Variants in SLC26A7 observed in about 807,000 individuals in gnomAD.
SLC26A7 encodes solute carrier family 26 member 7, also known as anion exchange transporter.
A neutral mutation model predicts 82.5 loss-of-function variants in SLC26A7; 59 were observed. That is an observed-to-expected ratio of 0.72 (90% CI 0.58 to 0.89). SLC26A7 has a LOEUF of 0.89. SLC26A7 is among the 40% of genes least tolerant of loss of function. SLC26A7 has a pLI of 0.00. For synonymous variants in SLC26A7, 271 were observed against 274.3 expected (o/e 0.99, Z 0.12); for missense variants, 820 against 793.0 (o/e 1.03, Z -0.41).
chr8:91,330,927 C>T (rs956818025), intron 5 of SLC26A7, among the ~76,000 whole-genome samples: 1 of 152,088 alleles, frequency 6.6e-6, no homozygotes, highest in Non-Finnish European at 1.5e-5. Flanking sequence ...TTATTTCTTA[C>T]AGTCCTGGAG....
At chr8:91,374,391 T>C (rs1271974825) in intron 15 of SLC26A7, among the ~76,000 whole-genome samples, 1 of 151,822 alleles carries the variant, frequency 6.6e-6, no homozygotes, top group Non-Finnish European at 1.5e-5. Context: ...CACTGTTTTT[T>C]TTTTTGCTGT....
At chr8:91,288,954 A>C (rs182744997) in intron 2 of SLC26A7, among the ~76,000 whole-genome samples, 182 bp from the exon 3 acceptor site, 86 of 152,378 alleles carry the variant, frequency 5.6e-4, no homozygotes, top group Admixed American at 2.2e-3. Flanking sequence ...TTTTGGAATC[A>C]TAACAATGAA....
intron 2 of SLC26A7, among the ~76,000 whole-genome samples, chr8:91,242,032 A>G (rs1810481976): frequency 2.0e-5 from 3 of 152,200 alleles, no homozygotes; most frequent in Admixed American, 2.0e-4. Context: ...CCTTTGGAAC[A>G]ATATAGGCTG....
At chr8:91,330,719 G>A (rs978968018) in intron 5 of SLC26A7, among the ~76,000 whole-genome samples, 4 of 151,998 alleles carry the variant, frequency 2.6e-5, no homozygotes, top group African/African-American at 9.7e-5. Flanking sequence ...AAACCCTAAA[G>A]TTATCAAAGT....
upstream of SLC26A7, among the ~76,000 whole-genome samples, chr8:91,248,281 C>T (rs1810576302): frequency 6.6e-6 from 1 of 152,018 alleles, no homozygotes; most frequent in South Asian, 2.1e-4. Context: ...GGTATTTTTG[C>T]ACAGACACAA....
chr8:91,255,915 C>T (rs150068676), intron 2 of SLC26A7, among the ~76,000 whole-genome samples: 142 of 152,218 alleles, frequency 9.3e-4, no homozygotes, highest in African/African-American at 3.2e-3. Context: ...GGATGAGATA[C>T]GTGGTCTATC....
At chr8:91,388,590 C>T (rs1020856744) in intron 15 of SLC26A7, among the ~76,000 whole-genome samples, 1 of 152,148 alleles carries the variant, frequency 6.6e-6, no homozygotes, top group Non-Finnish European at 1.5e-5. Context: ...GTGGGGGAAT[C>T]AGCATATGTG....
chr8:91,293,139 C>G (rs988156817), intron 3 of SLC26A7, among the ~76,000 whole-genome samples: 7 of 152,100 alleles, frequency 4.6e-5, no homozygotes, highest in Admixed American at 4.6e-4. Flanking sequence ...GGTTAGGTAA[C>G]TTGACCAAGA....
intron 5 of SLC26A7, among the ~76,000 whole-genome samples, chr8:91,330,691 T>A (rs921569340): frequency 7.9e-5 from 12 of 152,072 alleles, no homozygotes; most frequent in African/African-American, 2.9e-4. Flanking sequence ...TTGGAAATAA[T>A]CATATAAGGA....
rs927525317 is a variant in SLC26A7 at position 91,307,444 on chromosome 8, A to T, written c.478-10772A>T. On this transcript the variant is annotated intron_variant, in intron 4 of 18. Coordinates refer to ENST00000276609, the MANE Select transcript of SLC26A7 (RefSeq NM_052832.4). The stretch of plus-strand genomic sequence containing the variant: ...ATTGGATTAAGAAAATGTGGCACAT[A>T]TACACCATGGAATACTATGCAGCCA... Among the ~76,000 whole-genome samples, 201 of 144,608 alleles carry T rather than the reference A, an allele frequency of 1.4e-3. No individual in the cohort carries two copies. The East Asian group carries it at 0.014, about 10-fold the overall frequency. 94.9% of individuals were successfully genotyped at this position (144,608 alleles called of 152,430 possible).
At chr8:91,210,876 C>T (rs1489178360) in intron 1 of SLC26A7, among the ~76,000 whole-genome samples, 3 of 152,032 alleles carry the variant, frequency 2.0e-5, no homozygotes, top group Admixed American at 6.5e-5. Context: ...AAGACAATTT[C>T]AGATTGAAAA....
At chr8:91,333,683 A>G (rs907159296) in intron 5 of SLC26A7, among the ~76,000 whole-genome samples, 1 of 152,134 alleles carries the variant, frequency 6.6e-6, no homozygotes, top group Non-Finnish European at 1.5e-5. Flanking sequence ...CAATTCCTAC[A>G]CTAGACCATG....
intron 5 of SLC26A7, among the ~76,000 whole-genome samples, chr8:91,322,518 A>G (rs1473532307): frequency 1.3e-5 from 2 of 152,180 alleles, no homozygotes; most frequent in African/African-American, 4.8e-5. Flanking sequence ...TTATTTACAA[A>G]AAAAATTTTT....
intron 3 of SLC26A7, among the ~76,000 whole-genome samples, chr8:91,289,572 G>C (rs1811806925): frequency 6.6e-6 from 1 of 152,110 alleles, no homozygotes; most frequent in African/African-American, 2.4e-5. Context: ...TTGAACCTGG[G>C]AGGTGGAGGT....
chr8:91,282,321 A>G (rs1811595928), intron 2 of SLC26A7, among the ~76,000 whole-genome samples: 1 of 152,138 alleles, frequency 6.6e-6, no homozygotes, highest in Admixed American at 6.5e-5. Context: ...CGGAATTTCT[A>G]CGTGTTGCTG....
chr8:91,381,478 A>T (rs1368878747), intron 15 of SLC26A7, among the ~76,000 whole-genome samples: 2 of 152,086 alleles, frequency 1.3e-5, no homozygotes, highest in Non-Finnish European at 2.9e-5. Flanking sequence ...GCTCTCAGAG[A>T]ACACTTATGT....
chr8:91,385,422 A>G (rs1324050709), intron 15 of SLC26A7, among the ~76,000 whole-genome samples: 6 of 152,216 alleles, frequency 3.9e-5, no homozygotes, highest in Non-Finnish European at 7.4e-5. Context: ...AATGTTAGAA[A>G]TGTCCATTGT....
chr8:91,291,538 T>C (rs1474844763), intron 3 of SLC26A7, among the ~76,000 whole-genome samples: 1 of 152,220 alleles, frequency 6.6e-6, no homozygotes, highest in African/African-American at 2.4e-5. Context: ...ACATTTTCTC[T>C]GTTAAACCCA....
chr8:91,291,358 T>A (rs1002925958), intron 3 of SLC26A7, among the ~76,000 whole-genome samples: 1 of 152,182 alleles, frequency 6.6e-6, no homozygotes, highest in African/African-American at 2.4e-5. Context: ...TAAGCTTTTC[T>A]TTTGTATTGA....
Sources: gnomAD v4.1 joint callset for allele counts (sites outside exome capture counted in the v4.1 genomes callset) on GRCh38, gnomAD v4.1.1 for gene constraint, MANE v1.5 for transcripts, NCBI Gene and HGNC (gene_info 2026-07-23, HGNC 2026-07-21) for gene names.